The following PTPRT variants were observed in gnomAD, a reference collection of about 807,000 sequenced individuals.
The protein encoded by PTPRT is protein tyrosine phosphatase receptor type T.
A neutral mutation model predicts 176.8 loss-of-function variants in PTPRT; 56 were observed. The ratio of observed to expected loss-of-function variants is 0.32; its 90% CI spans 0.26 to 0.40. The LOEUF (loss-of-function observed/expected upper bound fraction) is 0.40. Ranked by LOEUF, PTPRT falls within the 10% of genes least tolerant of loss-of-function variation. The probability of loss-of-function intolerance (pLI) is 1.00; values close to 1 mark genes in which losing one functional copy is unlikely to be tolerated. For missense variants in PTPRT, 1,540 were observed against 1,908.2 expected, an observed-to-expected ratio of 0.81 and a Z score of 3.60; for synonymous variants, 783 against 739.0, an observed-to-expected ratio of 1.06 and a Z score of -0.96.
intron 15 of PTPRT, among the ~76,000 whole-genome samples, chr20:42,212,054 A>AT (rs2055647458): frequency 6.7e-6 from 1 of 148,502 alleles, no homozygotes; most frequent in East Asian, 2.0e-4. Flanking sequence ...AGAAAAAAAA[A>AT]CCAAACACCG....
At chr20:42,164,327 T>C (rs1467238855) in intron 16 of PTPRT, among the ~76,000 whole-genome samples, 1 of 152,208 alleles carries the variant, frequency 6.6e-6, no homozygotes, top group African/African-American at 2.4e-5. Flanking sequence ...GCTGTCAATA[T>C]GGATATTTTC....
chr20:42,928,288 G>T (rs767498169), intron 1 of PTPRT, among the ~76,000 whole-genome samples: 4 of 152,234 alleles, frequency 2.6e-5, no homozygotes, highest in Non-Finnish European at 1.5e-5. Context: ...TGAATCAACA[G>T]CTGCTCCCAG....
intron 1 of PTPRT, among the ~76,000 whole-genome samples, chr20:42,997,299 G>A (rs564674587): frequency 6.6e-6 from 1 of 152,274 alleles, no homozygotes; most frequent in Non-Finnish European, 1.5e-5. Context: ...CATAGCAGAA[G>A]TAATGCTGTA....
intron 7 of PTPRT, among the ~76,000 whole-genome samples, chr20:42,581,453 C>A (rs958918403): frequency 6.6e-6 from 1 of 151,622 alleles, no homozygotes; most frequent in African/African-American, 2.4e-5. Context: ...GCATCCAAAC[C>A]TAGTAAGCAG....
chr20:42,670,849 A>G (rs541814178), intron 7 of PTPRT, among the ~76,000 whole-genome samples: 1 of 152,304 alleles, frequency 6.6e-6, no homozygotes, highest in Admixed American at 6.5e-5. Context: ...GGGGGGATAA[A>G]AGAAAGCAAT....
intron 9 of PTPRT, among the ~76,000 whole-genome samples, chr20:42,432,292 C>T (rs1601014451): frequency 6.6e-6 from 1 of 152,206 alleles, no homozygotes; most frequent in African/African-American, 2.4e-5. Context: ...AGTCTTGACA[C>T]ATTCTCTGCA....
chr20:42,506,739 G>T (rs936960290), intron 7 of PTPRT, among the ~76,000 whole-genome samples: 4 of 152,246 alleles, frequency 2.6e-5, no homozygotes, highest in Admixed American at 6.5e-5. Context: ...AAAACACTGA[G>T]ATTAGGTGAT....
intron 16 of PTPRT, among the ~76,000 whole-genome samples, chr20:42,165,375 C>A (rs1040556349): frequency 2.6e-5 from 4 of 152,064 alleles, no homozygotes; most frequent in African/African-American, 9.7e-5. Context: ...AGGCCACAGC[C>A]CTTGAAGGAG....
chr20:42,080,738 G>T lies in PTPRT; in HGVS notation c.*141C>A. 2.6e-6 allele frequency: 2 copies of T among 777,332 alleles called. No individual in the cohort carries two copies. Among genetic ancestry groups the T allele is most frequent in the Non-Finnish European group, 4.2e-6 (2 of 474,152 alleles). The allele number at this position is 777,332 out of a possible 1,614,324, so 48.2% of individuals were successfully genotyped here. A position where few individuals can be genotyped will look rare whatever the true frequency, so the allele number is the denominator to read the frequency against. On this transcript the variant is annotated 3_prime_UTR_variant, in exon 31 of 31. Coordinates refer to ENST00000373187, the MANE Select transcript of PTPRT (RefSeq NM_007050.6). ...CTCAGAAGGTGCAGAGCCCCCCGTGGAACACAGGGCCACCAGTCTTCTCCT... is the reference window on the plus strand; with the variant it reads ...CTCAGAAGGTGCAGAGCCCCCCGTGTAACACAGGGCCACCAGTCTTCTCCT...
In PTPRT at chr20:42,631,489, C is replaced by T. The variant is rs146991442; in HGVS notation, c.1153+46377G>A. ...GCATGTAGATGTTTTAAGTGGTTTC[C>T]GTGGGGTCAACAGCTATGCAGAATA... On this transcript the variant is annotated intron_variant, in intron 7 of 30. Transcript: ENST00000373187. 8.3e-4 allele frequency among the ~76,000 whole-genome samples: 127 copies of T among 152,120 alleles called. 3 individuals are homozygous for T. In the East Asian group the frequency reaches 0.021, roughly 25 times the overall value.
At chr20:42,199,165 GT>G in intron 16 of PTPRT, 74 bp downstream of exon 16, 1 of 1,529,004 alleles carries the variant, frequency 6.5e-7, no homozygotes. Context: ...TGATCAATGT[GT>G]GGGGTTCACA....
At chr20:42,633,990 T>TTA (rs1185807009) in intron 7 of PTPRT, among the ~76,000 whole-genome samples, 3 of 22,590 alleles carry the variant, frequency 1.3e-4, no homozygotes, top group African/African-American at 2.4e-4. Context: ...ATATATTATA[T>TTA]TATATATATT....
At chr20:42,167,818 T>C (rs1296320386) in intron 16 of PTPRT, among the ~76,000 whole-genome samples, 1 of 152,200 alleles carries the variant, frequency 6.6e-6, no homozygotes, top group East Asian at 1.9e-4. Context: ...TTTCTAGCTA[T>C]AGGACCTCAA....
intron 2 of PTPRT, among the ~76,000 whole-genome samples, chr20:42,809,312 G>T (rs1268726285): frequency 1.3e-5 from 2 of 151,994 alleles, no homozygotes; most frequent in Non-Finnish European, 2.9e-5. Context: ...GCCCTGTCCC[G>T]CCAGGTGTGA....
chr20:42,084,398 A>G (rs932585273), intron 29 of PTPRT, among the ~76,000 whole-genome samples: 3 of 152,160 alleles, frequency 2.0e-5, no homozygotes, highest in Non-Finnish European at 2.9e-5. Context: ...TGATCCCTTT[A>G]AGCCCATTGT....
intron 1 of PTPRT, among the ~76,000 whole-genome samples, chr20:43,142,436 T>A (rs2014041827): frequency 6.6e-6 from 1 of 152,152 alleles, no homozygotes. Flanking sequence ...GCACAAAACA[T>A]TCTCTCCCCT....
At chr20:42,436,048 A>G (rs2145817445) in intron 9 of PTPRT, among the ~76,000 whole-genome samples, 1 of 152,352 alleles carries the variant, frequency 6.6e-6, no homozygotes, top group African/African-American at 2.4e-5. Context: ...TTATCAATGT[A>G]ATAAAAAAAT....
At chr20:42,739,148 T>C (rs1211918691) in intron 6 of PTPRT, among the ~76,000 whole-genome samples, 1 of 152,220 alleles carries the variant, frequency 6.6e-6, no homozygotes, top group African/African-American at 2.4e-5. Context: ...AAAATGTTAA[T>C]GCCACACATT....
At chr20:42,265,261 A>G (rs1382341173) in intron 13 of PTPRT, among the ~76,000 whole-genome samples, 5 of 152,144 alleles carry the variant, frequency 3.3e-5, no homozygotes, top group Non-Finnish European at 1.5e-5. Context: ...GGCACAGAGC[A>G]TGGAGAGTAT....
Sources: gnomAD v4.1 joint callset for allele counts (sites outside exome capture counted in the v4.1 genomes callset) on GRCh38, gnomAD v4.1.1 for gene constraint, MANE v1.5 for transcripts, NCBI Gene and HGNC (gene_info 2026-07-23, HGNC 2026-07-21) for gene names.